Variants in TENM3 observed in about 807,000 individuals in gnomAD.
The protein encoded by TENM3 is teneurin transmembrane protein 3, also known as teneurin-3.
TENM3 carries 63 observed loss-of-function variants against 255.1 expected under a neutral mutation model. That is an observed-to-expected ratio of 0.25 (90% CI 0.20 to 0.30). TENM3 has a LOEUF of 0.30. TENM3 is among the 10% of genes least tolerant of loss of function. The probability of loss-of-function intolerance (pLI) is 1.00; values close to 1 mark genes in which losing one functional copy is unlikely to be tolerated. For missense variants in TENM3, 2,929 were observed against 3,461.1 expected (o/e 0.85, Z 3.86); for synonymous variants, 1,306 against 1,322.3 (o/e 0.99, Z 0.27).
At chr4:182,603,784 T>TATATATATATATATATATATATATATAG (rs58332965) in intron 4 of TENM3, among the ~76,000 whole-genome samples, 2,194 of 133,100 alleles carry the variant, frequency 0.016, 75 homozygotes, top group South Asian at 0.035. Flanking sequence ...TATATATATA[T>TATATATATATATATATATATATATATAG]ACACACACAC....
At chr4:181,699,886 T>G in the TENM3 span, among the ~76,000 whole-genome samples, 1 of 152,222 alleles carries the variant, frequency 6.6e-6, no homozygotes, top group Non-Finnish European at 1.5e-5. Flanking sequence ...TAACAAGTCC[T>G]CAGAAGAGGA....
intron 1 of TENM3, among the ~76,000 whole-genome samples, chr4:182,148,368 CATA>C (rs1750103165): frequency 3.3e-5 from 5 of 152,108 alleles, no homozygotes; most frequent in Admixed American, 2.6e-4. Context: ...GATTGCTTCT[CATA>C]ATTAAAACAT....
Position 182,708,329 on chromosome 4 carries a change from G to C in TENM3, c.2222-5758G>C, listed in dbSNP as rs1012105875. ...ACCTGGTCAGAGCTACGAGATAGAG[G>C]CCTGGGCCAGAGCTAGAAATTTAGG... On this transcript the variant is annotated intron_variant, in intron 12 of 27. Coordinates refer to ENST00000511685, the MANE Select transcript of TENM3 (RefSeq NM_001080477.4). Among the ~76,000 whole-genome samples the C allele has an allele frequency of 1.3e-5, 2 of 152,278 alleles. 1 individual carries two copies. The highest frequency in any genetic ancestry group is 4.1e-4 in the South Asian group (2 of 4,824).
At chr4:182,055,358 A>AAT in the TENM3 span, among the ~76,000 whole-genome samples, 1 of 151,722 alleles carries the variant, frequency 6.6e-6, no homozygotes, top group Non-Finnish European at 1.5e-5. Flanking sequence ...ACAATAAATA[A>AAT]ATAAATAAAT....
the TENM3 span, among the ~76,000 whole-genome samples, chr4:182,034,309 A>G: frequency 1.4e-4 from 21 of 152,210 alleles, no homozygotes; most frequent in African/African-American, 5.1e-4. Flanking sequence ...TCTTGACTAC[A>G]GCACACTAAT....
intron 27 of TENM3, among the ~76,000 whole-genome samples, chr4:182,797,865 C>T (rs1472375621): frequency 6.6e-6 from 1 of 152,108 alleles, no homozygotes; most frequent in Non-Finnish European, 1.5e-5. Context: ...CCATGGTTAA[C>T]ACACACACAG....
the TENM3 span, among the ~76,000 whole-genome samples, chr4:181,927,230 C>T: frequency 1.2e-4 from 19 of 152,266 alleles, no homozygotes; most frequent in East Asian, 2.1e-3. Context: ...TGGAACCCAG[C>T]GGATCCCACC....
At chr4:182,769,847 G>A (rs1378861672) in intron 22 of TENM3, among the ~76,000 whole-genome samples, 1 of 152,024 alleles carries the variant, frequency 6.6e-6, no homozygotes, top group Non-Finnish European at 1.5e-5. Context: ...GCTCACTCCT[G>A]TAATCTCAAC....
the TENM3 span, among the ~76,000 whole-genome samples, chr4:181,942,498 A>G: frequency 6.6e-5 from 10 of 152,046 alleles, no homozygotes; most frequent in African/African-American, 2.4e-4. Context: ...TTTACCAACC[A>G]ACACCCAAGA....
the TENM3 span, among the ~76,000 whole-genome samples, chr4:181,996,721 T>C: frequency 6.6e-6 from 1 of 152,190 alleles, no homozygotes; most frequent in Non-Finnish European, 1.5e-5. Context: ...CAGCAGCACT[T>C]AAGTGCTCTG....
At chr4:181,979,097 C>CAT in the TENM3 span, among the ~76,000 whole-genome samples, 14 of 30,380 alleles carry the variant, frequency 4.6e-4, no homozygotes, top group East Asian at 1.2e-3. Context: ...TTAAGCCTGA[C>CAT]ATATATATAT....
chr4:182,626,134 G>T (rs1351755424), intron 4 of TENM3, among the ~76,000 whole-genome samples: 5 of 152,176 alleles, frequency 3.3e-5, no homozygotes, highest in Non-Finnish European at 7.3e-5. Context: ...AGAGTTCAGT[G>T]ATATCGCTGG....
the TENM3 span, among the ~76,000 whole-genome samples, chr4:182,096,568 G>A: frequency 6.6e-6 from 1 of 152,156 alleles, no homozygotes; most frequent in South Asian, 2.1e-4. Context: ...AGCAATGGAT[G>A]CGAAAACCAC....
At chr4:182,721,010 C>T (rs1759682145) in intron 13 of TENM3, among the ~76,000 whole-genome samples, 2 of 152,088 alleles carry the variant, frequency 1.3e-5, no homozygotes, top group African/African-American at 2.4e-5. Flanking sequence ...TCAGGTGATC[C>T]ACCCACCTCA....
the TENM3 span, among the ~76,000 whole-genome samples, chr4:181,537,773 T>TA: frequency 1.3e-5 from 2 of 152,212 alleles, no homozygotes; most frequent in African/African-American, 4.8e-5. Context: ...CACCACTACT[T>TA]ACCACAGCCT....
chr4:181,882,694 T>C, the TENM3 span, among the ~76,000 whole-genome samples: 1 of 152,208 alleles, frequency 6.6e-6, no homozygotes, highest in Non-Finnish European at 1.5e-5. Context: ...AAACTTTATA[T>C]TTCCATAAAA....
Position 182,509,125 on chromosome 4 carries a change from C to G in TENM3, c.512-91799C>G, listed in dbSNP as rs201195249. On this transcript the variant is annotated intron_variant, in intron 3 of 27. Transcript: ENST00000511685. ...TGACTGTGATAATCTAGCAGGGATC[C>G]TTTGTGTTTTGGTGAAGCATGTAGG... is the stretch of plus-strand genomic sequence containing the variant. 1.2e-4 allele frequency among the ~76,000 whole-genome samples: 19 copies of G among 152,220 alleles called. No homozygotes were observed. The East Asian group carries it at 2.1e-3, about 17-fold the overall frequency.
intron 3 of TENM3, among the ~76,000 whole-genome samples, chr4:182,494,471 C>T (rs926523743): frequency 6.6e-6 from 1 of 152,072 alleles, no homozygotes; most frequent in African/African-American, 2.4e-5. Context: ...TAAATCAAAC[C>T]TTTCCTAGGT....
intron 3 of TENM3, among the ~76,000 whole-genome samples, chr4:182,363,901 G>T (rs1766212631): frequency 6.6e-6 from 1 of 152,080 alleles, no homozygotes; most frequent in Non-Finnish European, 1.5e-5. Flanking sequence ...ATTCCTAGGG[G>T]ATTTGAAAGT....
Sources: gnomAD v4.1 joint callset for allele counts (sites outside exome capture counted in the v4.1 genomes callset) on GRCh38, gnomAD v4.1.1 for gene constraint, MANE v1.5 for transcripts, NCBI Gene and HGNC (gene_info 2026-07-23, HGNC 2026-07-21) for gene names.